The following IGDCC3 variants were observed in gnomAD, a reference collection of about 807,000 sequenced individuals.
The protein encoded by IGDCC3 is immunoglobulin superfamily DCC subclass member 3.
Under a neutral mutation model 72.0 loss-of-function variants are expected in IGDCC3, and 47 were observed. The ratio of observed to expected loss-of-function variants is 0.65; its 90% CI spans 0.52 to 0.83. IGDCC3 has a LOEUF of 0.83. IGDCC3 is among the 40% of genes least tolerant of loss of function. The pLI, the probability that IGDCC3 is intolerant of heterozygous loss-of-function variation, is 0.00. For synonymous variants in IGDCC3, 477 were observed against 472.8 expected, an observed-to-expected ratio of 1.01 and a Z score of -0.11; for missense variants, 1,038 against 1,091.3, an observed-to-expected ratio of 0.95 and a Z score of 0.69.
chr15:65,332,144 C>T (rs1027730813), intron 6 of IGDCC3, 38 bp from the exon 7 acceptor site: 2 of 1,595,314 alleles, frequency 1.3e-6, no homozygotes, highest in Admixed American at 3.4e-5. Context: ...CGCAGACAGA[C>T]ACAGCTGTGA....
At chr15:65,362,915 C>T (rs760311804) in intron 2 of IGDCC3, among the ~76,000 whole-genome samples, 1 of 144,372 alleles carries the variant, frequency 6.9e-6, no homozygotes, top group African/African-American at 2.6e-5. Flanking sequence ...AGTGCAGTGG[C>T]CCCATCTCAG....
At chr15:65,354,744 A>G (rs990198559) in intron 2 of IGDCC3, among the ~76,000 whole-genome samples, 2 of 152,216 alleles carry the variant, frequency 1.3e-5, no homozygotes, top group Admixed American at 6.5e-5. Context: ...ATAAGTCCCC[A>G]GCCTGCCACA....
chr15:65,372,911 G>A (rs1268040402), intron 2 of IGDCC3, among the ~76,000 whole-genome samples: 8 of 152,118 alleles, frequency 5.3e-5, no homozygotes, highest in African/African-American at 1.2e-4. Flanking sequence ...TTCTCCCATG[G>A]GACCACAGCC....
rs1242745656 is a variant in IGDCC3 at position 65,344,980 on chromosome 15, C to T, written c.410-9024G>A. ...CCATGTGACCACCCCACCAACCCCA[C>T]AGCCAGGTTTTCAAAAGCAGTCCCA... On this transcript the variant is annotated intron_variant, in intron 2 of 13. Transcript: ENST00000327987. Among the ~76,000 whole-genome samples, 17 of 152,164 alleles carry T rather than the reference C, an allele frequency of 1.1e-4. 1 individual carries two copies. The highest frequency in any genetic ancestry group is 6.5e-5 in the Admixed American group (1 of 15,282).
intron 6 of IGDCC3, 94 bp from the exon 7 acceptor site, chr15:65,332,200 A>G: frequency 7.1e-7 from 1 of 1,401,762 alleles, no homozygotes; most frequent in Non-Finnish European, 9.6e-7. Context: ...GGAGATACAC[A>G]GGGTGAGAGG....
intron 2 of IGDCC3, among the ~76,000 whole-genome samples, chr15:65,361,892 C>CA (rs1420205857): frequency 1.3e-5 from 2 of 152,186 alleles, no homozygotes; most frequent in Non-Finnish European, 2.9e-5. Context: ...CCGCCGCACT[C>CA]TGCCCATCGC....
intron 2 of IGDCC3, among the ~76,000 whole-genome samples, chr15:65,362,097 AAG>A (rs1491064017): frequency 5.3e-5 from 8 of 151,974 alleles, no homozygotes; most frequent in Admixed American, 2.6e-4. Flanking sequence ...AAAAAAAAAA[AAG>A]AAGTGGTACA....
At chr15:65,332,280 C>A (rs2090985358) in intron 6 of IGDCC3, among the ~76,000 whole-genome samples, 174 bp from the exon 7 acceptor site, 1 of 152,166 alleles carries the variant, frequency 6.6e-6, no homozygotes, top group South Asian at 2.1e-4. Flanking sequence ...TCCTGCCCAG[C>A]TCAGGAGATG....
intron 2 of IGDCC3, among the ~76,000 whole-genome samples, chr15:65,360,974 A>G (rs1026177142): frequency 2.0e-5 from 3 of 152,234 alleles, no homozygotes; most frequent in Admixed American, 2.0e-4. Context: ...ATGGGGTTTC[A>G]CTATGTTGGC....
chr15:65,356,479 A>G (rs2091220528), intron 2 of IGDCC3: 1 of 152,196 alleles, frequency 6.6e-6, no homozygotes, highest in African/African-American at 2.4e-5. Flanking sequence ...CCAAGGCACC[A>G]TGAGAAGCCC....
chr15:65,374,318 T>C (rs2091344827), intron 2 of IGDCC3, among the ~76,000 whole-genome samples: 1 of 152,270 alleles, frequency 6.6e-6, no homozygotes, highest in African/African-American at 2.4e-5. Context: ...CTCCCTGGGA[T>C]ACATGGAGAA....
chr15:65,340,537 C>T (rs891914145), intron 2 of IGDCC3, among the ~76,000 whole-genome samples: 2 of 152,110 alleles, frequency 1.3e-5, no homozygotes, highest in Non-Finnish European at 2.9e-5. Context: ...TGAAGGCCAC[C>T]GAGGCCCATT....
chr15:65,330,250 G>T, intron 11 of IGDCC3, 43 bp downstream of exon 11: 1 of 1,419,210 alleles, frequency 7.0e-7, no homozygotes, highest in Non-Finnish European at 9.9e-7. Flanking sequence ...TACTTTCCCG[G>T]CTTCCCACCC....
intron 2 of IGDCC3, among the ~76,000 whole-genome samples, chr15:65,344,171 AGTGG>A (rs1485933354): frequency 6.6e-6 from 1 of 152,068 alleles, no homozygotes; most frequent in Non-Finnish European, 1.5e-5. Flanking sequence ...TGGGTGTTGG[AGTGG>A]GTGGGAGTGA....
In IGDCC3 at chr15:65,356,848, C is replaced by CTTTT. The variant is rs766472764; in HGVS notation, c.409+18245_409+18248dup. ...GATGTGAGATTTGAGAATGGACCTG[C>CTTTT]TTTTTTTTTTTTTTTTTTTGAGATG... On this transcript the variant is annotated intron_variant, in intron 2 of 13. Coordinates refer to ENST00000327987, the MANE Select transcript of IGDCC3 (RefSeq NM_004884.4). 1.9e-3 allele frequency among the ~76,000 whole-genome samples: 134 copies of CTTTT among 70,880 alleles called. 20 individuals carry two copies. The East Asian group carries it at 0.044, about 23-fold the overall frequency. The allele number at this position is 70,880 out of a possible 152,430, so 46.5% of individuals were successfully genotyped here.
rs2090981700 is a variant in IGDCC3, at chr15:65,331,965, T to C, written c.1124A>G (p.His375Arg). Residue 375 changes from histidine to arginine, a missense_variant, in exon 7 of 14, where the codon CAC (histidine) becomes CGC (arginine). His to Arg is a conservative substitution (Grantham distance 29). Coordinates refer to ENST00000327987, the MANE Select transcript of IGDCC3 (RefSeq NM_004884.4). ...KNGQVLGPGG[H>R]VRLKNNNSTL... ...CCTGTTGTTATTCTTGAGCCTGACG[T>C]GGCCTCCTGGCCCCAGCACCTGTCC... The C allele has an allele frequency of 6.2e-7, 1 of 1,613,916 alleles. No individual in the cohort carries two copies. Among genetic ancestry groups the C allele is most frequent in the Non-Finnish European group, 8.5e-7 (1 of 1,180,038 alleles).
chr15:65,332,147 A>G, intron 6 of IGDCC3, 41 bp from the exon 7 acceptor site: 1 of 1,590,492 alleles, frequency 6.3e-7, no homozygotes, highest in Non-Finnish European at 8.6e-7. Context: ...AGACAGACAC[A>G]GCTGTGAGTG....
Position 65,328,649 on chromosome 15 carries a change from G to A in IGDCC3, c.*260C>T. 1 of 384,686 alleles carries A rather than the reference G, an allele frequency of 2.6e-6. No homozygotes were observed. Among genetic ancestry groups the A allele is most frequent in the Non-Finnish European group, 4.6e-6 (1 of 218,144 alleles). The allele number at this position is 384,686 out of a possible 1,614,324, so 23.8% of individuals were successfully genotyped here. A position where few individuals can be genotyped will look rare whatever the true frequency, so the allele number is the denominator to read the frequency against. Reference sequence around the variant, plus strand: ...ATGTTAGTTCAGTTCCAAGTCATGTGGGTACCAGGCAGAGGCAAGGGGGCG... The same window carrying A: ...ATGTTAGTTCAGTTCCAAGTCATGTAGGTACCAGGCAGAGGCAAGGGGGCG... On this transcript the variant is annotated 3_prime_UTR_variant, in exon 14 of 14. Transcript: ENST00000327987.
intron 2 of IGDCC3, among the ~76,000 whole-genome samples, chr15:65,351,067 A>G (rs2140155606): frequency 6.6e-6 from 1 of 152,356 alleles, no homozygotes; most frequent in African/African-American, 2.4e-5. Flanking sequence ...CAAGGTGTAG[A>G]AGGTTCATAA....
Sources: allele counts gnomAD v4.1 joint callset (sites outside exome capture counted in the v4.1 genomes callset), GRCh38; gene constraint gnomAD v4.1.1; transcripts MANE v1.5; gene names NCBI Gene and HGNC (gene_info 2026-07-23, HGNC 2026-07-21).